The following DRC11 variants were observed in gnomAD, a reference collection of about 807,000 sequenced individuals.
DRC11 encodes IQ and AAA domain-containing protein 1.
chr2:236,315,636 A>C, the DRC11 span, among the ~76,000 whole-genome samples: 409 of 152,328 alleles, frequency 2.7e-3, 2 homozygotes, highest in African/African-American at 9.1e-3. The surrounding 1 kb of genome is among the most constrained non-coding windows in gnomAD (Gnocchi z 5.1). Context: ...GGATAAAGAA[A>C]ATGTGGTACA....
At chr2:236,363,145 T>C in the DRC11 span, among the ~76,000 whole-genome samples, 1 of 152,216 alleles carries the variant, frequency 6.6e-6, no homozygotes. The surrounding 1 kb of genome is among the most constrained non-coding windows in gnomAD (Gnocchi z 5.6). Flanking sequence ...ACCTGGAGGT[T>C]CTCAACCAAG....
the DRC11 span, among the ~76,000 whole-genome samples, chr2:236,496,380 C>T: frequency 6.6e-6 from 1 of 152,182 alleles, no homozygotes; most frequent in South Asian, 2.1e-4. This position sits in a 1 kb window ranked among gnomAD's most constrained non-coding sequence, Gnocchi z 6.3. Context: ...AAATTAAAGA[C>T]TTTCTCCTTT....
chr2:236,451,153 CT>C, the DRC11 span, among the ~76,000 whole-genome samples: 3 of 152,050 alleles, frequency 2.0e-5, no homozygotes, highest in African/African-American at 7.2e-5. Context: ...TTGCCACTTT[CT>C]TTAAAGTATT....
At chr2:236,409,642 T>G in the DRC11 span, among the ~76,000 whole-genome samples, 1 of 152,080 alleles carries the variant, frequency 6.6e-6, no homozygotes, top group Admixed American at 6.5e-5. Flanking sequence ...CTTCCAATAC[T>G]ATGTTGAATA....
At chr2:236,343,618 G>T in the DRC11 span, 2 of 818,744 alleles carry the variant, frequency 2.4e-6, no homozygotes, top group Non-Finnish European at 1.8e-6. The surrounding 1 kb of genome is among the most constrained non-coding windows in gnomAD (Gnocchi z 6.6). Flanking sequence ...TGTGTGACAC[G>T]TGAGACGAAA....
the DRC11 span, chr2:236,391,923 T>C: frequency 6.6e-7 from 1 of 1,507,594 alleles, no homozygotes; most frequent in African/African-American, 1.4e-5. The surrounding 1 kb of genome is among the most constrained non-coding windows in gnomAD (Gnocchi z 4.5). Flanking sequence ...GGGCTGCTTT[T>C]CATGACTGAA....
At chr2:236,427,724 C>A in the DRC11 span, among the ~76,000 whole-genome samples, 8 of 152,036 alleles carry the variant, frequency 5.3e-5, no homozygotes, top group East Asian at 1.5e-3. The surrounding 1 kb of genome is among the most constrained non-coding windows in gnomAD (Gnocchi z 5.9). Context: ...TTTTGAGGCT[C>A]CATTTCATTT....
At chr2:236,323,492 G>C in the DRC11 span, among the ~76,000 whole-genome samples, 1 of 152,166 alleles carries the variant, frequency 6.6e-6, no homozygotes, top group South Asian at 2.1e-4. This position sits in a 1 kb window ranked among gnomAD's most constrained non-coding sequence, Gnocchi z 6.4. Flanking sequence ...GGGCACATCG[G>C]CCTGTGACTG....
the DRC11 span, among the ~76,000 whole-genome samples, chr2:236,486,448 C>G: frequency 6.6e-6 from 1 of 152,094 alleles, no homozygotes; most frequent in African/African-American, 2.4e-5. The surrounding 1 kb of genome is among the most constrained non-coding windows in gnomAD (Gnocchi z 5.7). Flanking sequence ...ATCCACCTTT[C>G]CATCTCTATG....
At chr2:236,476,194 C>T in the DRC11 span, among the ~76,000 whole-genome samples, 1 of 152,030 alleles carries the variant, frequency 6.6e-6, no homozygotes, top group Non-Finnish European at 1.5e-5. The surrounding 1 kb of genome is among the most constrained non-coding windows in gnomAD (Gnocchi z 4.7). Context: ...TCTTCCAATC[C>T]ATGAGCATGG....
At chr2:236,442,512 T>C in the DRC11 span, among the ~76,000 whole-genome samples, 1 of 152,218 alleles carries the variant, frequency 6.6e-6, no homozygotes, top group East Asian at 1.9e-4. Flanking sequence ...CTAGCTGTGA[T>C]GTGGAATCTG....
the DRC11 span, chr2:236,507,445 G>A: frequency 3.1e-6 from 2 of 649,234 alleles, no homozygotes; most frequent in Non-Finnish European, 2.7e-6. Flanking sequence ...GAAAAGGTGA[G>A]GCCGGGTTTG....
chr2:236,392,604 A>G, the DRC11 span, among the ~76,000 whole-genome samples: 1 of 152,196 alleles, frequency 6.6e-6, no homozygotes, highest in Non-Finnish European at 1.5e-5. This position sits in a 1 kb window ranked among gnomAD's most constrained non-coding sequence, Gnocchi z 5.1. Context: ...TAGTTTACTC[A>G]ATATTTTTTA....
the DRC11 span, among the ~76,000 whole-genome samples, chr2:236,488,874 G>C: frequency 6.6e-6 from 1 of 152,156 alleles, no homozygotes; most frequent in Non-Finnish European, 1.5e-5. Flanking sequence ...GAGGAAAGAG[G>C]GACAAGAACA....
the DRC11 span, chr2:236,497,188 A>T: frequency 1.9e-6 from 3 of 1,611,790 alleles, no homozygotes; most frequent in Non-Finnish European, 2.5e-6. This position sits in a 1 kb window ranked among gnomAD's most constrained non-coding sequence, Gnocchi z 5.1. Context: ...ATCCTGCAGG[A>T]TATCATCGAA....
the DRC11 span, among the ~76,000 whole-genome samples, chr2:236,475,311 A>C: frequency 6.6e-6 from 1 of 152,180 alleles, no homozygotes; most frequent in African/African-American, 2.4e-5. This position sits in a 1 kb window ranked among gnomAD's most constrained non-coding sequence, Gnocchi z 4.8. Context: ...GGATTTCATT[A>C]CTTTTTATGG....
the DRC11 span, among the ~76,000 whole-genome samples, chr2:236,373,495 C>T: frequency 6.6e-6 from 1 of 152,162 alleles, no homozygotes; most frequent in Non-Finnish European, 1.5e-5. Flanking sequence ...CAATGATCCG[C>T]CCACCTCAGT....
At chr2:236,446,608 G>A in the DRC11 span, among the ~76,000 whole-genome samples, 2 of 152,152 alleles carry the variant, frequency 1.3e-5, no homozygotes, top group African/African-American at 4.8e-5. The surrounding 1 kb of genome is among the most constrained non-coding windows in gnomAD (Gnocchi z 6.2). Flanking sequence ...GCTGTCCTTT[G>A]GATGCTTGGA....
the DRC11 span, among the ~76,000 whole-genome samples, chr2:236,346,989 A>C: frequency 6.6e-6 from 1 of 152,210 alleles, no homozygotes; most frequent in Non-Finnish European, 1.5e-5. Flanking sequence ...CTGTGCATGC[A>C]TGCTCCCTCC....
Sources: gnomAD v4.1 joint callset for allele counts (sites outside exome capture counted in the v4.1 genomes callset) on GRCh38, gnomAD v4.1.1 for gene constraint, Gnocchi (gnomAD v3.1) non-coding constraint, MANE v1.5 for transcripts, NCBI Gene and HGNC (gene_info 2026-07-23, HGNC 2026-07-21) for gene names.